BPIFB1: variants seen among roughly 807,000 people sequenced by gnomAD.
BPIFB1 encodes BPI fold containing family B member 1.
Under a neutral mutation model 55.1 loss-of-function variants are expected in BPIFB1, and 34 were observed. That is an observed-to-expected ratio of 0.62 (90% CI 0.47 to 0.82). The LOEUF (loss-of-function observed/expected upper bound fraction) is 0.82. BPIFB1 is among the 40% of genes least tolerant of loss of function. BPIFB1 has a pLI of 0.00. For synonymous variants in BPIFB1, 236 were observed against 245.3 expected (o/e 0.96, Z 0.35); for missense variants, 532 against 593.1 (o/e 0.90, Z 1.07).
Position 33,291,957 on chromosome 20 carries a change from T to G in BPIFB1, c.566T>G (p.Val189Gly). 1.2e-6 allele frequency: 2 copies of G among 1,614,234 alleles called. No individual in the cohort carries two copies. Among genetic ancestry groups the G allele is most frequent in the Non-Finnish European group, 1.7e-6 (2 of 1,180,024 alleles). The stretch of plus-strand genomic sequence containing the variant: ...GCTAAGCAGGTCATGAACCTCCTAG[T>G]GCCATCCCTGCCCAATCTAGTGAAA... ...ALAKQVMNLL[V>G]PSLPNLVKNQ... Residue 189 changes from valine to glycine, a missense_variant, in exon 6 of 16, where the codon GTG becomes GGG. By Grantham distance (109) the Val-to-Gly change is moderately radical (BLOSUM62 -3). Transcript: ENST00000253354.
intron 7 of BPIFB1, 108 bp from the exon 8 acceptor site, chr20:33,299,791 A>C: frequency 4.9e-6 from 4 of 812,052 alleles, no homozygotes; most frequent in Non-Finnish European, 2.2e-6. Flanking sequence ...GCTCCTCCCT[A>C]CCTGCCCCCC....
intron 10 of BPIFB1, 36 bp from the exon 11 acceptor site, chr20:33,302,880 C>T: frequency 1.2e-6 from 2 of 1,608,856 alleles, no homozygotes; most frequent in South Asian, 2.2e-5. Flanking sequence ...ATGGTGGGCA[C>T]TTGGGAGGCC....
intron 15 of BPIFB1, among the ~76,000 whole-genome samples, chr20:33,308,278 A>T (rs74419603): frequency 0.06 from 9,151 of 152,234 alleles, 338 homozygotes; most frequent in South Asian, 0.086. Context: ...TGGGTTCTAC[A>T]TGAGATTTGG....
In BPIFB1 at chr20:33,290,995, C is replaced by A. The variant is rs1158326481; in HGVS notation, c.404C>A (p.Thr135Asn). 4 of 1,614,020 alleles carry A rather than the reference C, an allele frequency of 2.5e-6. No homozygotes were observed. The highest frequency in any genetic ancestry group is 2.2e-5 in the South Asian group (2 of 91,074). ...ACCATCGTGGAGTTCCACATGACGA[C>A]TGAGGCCCAAGCCACCATCCGCATG... ...VKTIVEFHMT[T>N]EAQATIRMDT... The change falls in exon 5 of 16, where the codon ACT (threonine) becomes AAT (asparagine). Residue 135 changes from threonine (T) to asparagine (N), a missense_variant. Physicochemically the swap from Thr to Asn is moderately conservative, Grantham distance 65. Transcript: ENST00000253354.
chr20:33,292,012 G>T (rs1980488754), intron 6 of BPIFB1, 24 bp downstream of exon 6: 5 of 1,609,218 alleles, frequency 3.1e-6, no homozygotes, highest in Non-Finnish European at 4.3e-6. Context: ...GGGCCTCTCT[G>T]GCCTGTGGGC....
intron 8 of BPIFB1, 80 bp from the exon 9 acceptor site, chr20:33,301,153 G>A: frequency 7.2e-7 from 1 of 1,380,558 alleles, no homozygotes; most frequent in South Asian, 1.3e-5. Context: ...CAGGCTGAAT[G>A]GTGTCATTTC....
chr20:33,308,841 T>C (rs1347076843), intron 15 of BPIFB1, among the ~76,000 whole-genome samples: 4 of 137,490 alleles, frequency 2.9e-5, no homozygotes, highest in Non-Finnish European at 6.3e-5. Flanking sequence ...CACACACACA[T>C]AATACACACA....
chr20:33,307,120 C>A, intron 15 of BPIFB1, 133 bp downstream of exon 15: 1 of 707,028 alleles, frequency 1.4e-6, no homozygotes, highest in Non-Finnish European at 2.5e-6. Flanking sequence ...CCTCTCAGGG[C>A]CTCACCTCCT....
chr20:33,291,619 C>T (rs777539989), intron 5 of BPIFB1, among the ~76,000 whole-genome samples: 9 of 151,962 alleles, frequency 5.9e-5, no homozygotes, highest in Non-Finnish European at 1.0e-4. Flanking sequence ...AAAAACATGG[C>T]GCCCCCCCTT....
intron 7 of BPIFB1, chr20:33,298,976 C>CTTT (rs35028429): frequency 3.6e-4 from 87 of 244,852 alleles, no homozygotes; most frequent in African/African-American, 1.2e-3. Context: ...CTTTAATATA[C>CTTT]TTTTTTTTTT....
chr20:33,292,891 C>A (rs1980518699), intron 6 of BPIFB1, among the ~76,000 whole-genome samples: 1 of 152,212 alleles, frequency 6.6e-6, no homozygotes, highest in African/African-American at 2.4e-5. Context: ...GCTAATATTT[C>A]TTGGAATAAG....
chr20:33,295,491 A>G (rs1017297966), intron 6 of BPIFB1, among the ~76,000 whole-genome samples: 38 of 151,914 alleles, frequency 2.5e-4, no homozygotes, highest in African/African-American at 6.8e-4. Flanking sequence ...CTGTAATCCC[A>G]GTTACTCGGG....
chr20:33,306,295 A>G (rs1202294244), intron 14 of BPIFB1, among the ~76,000 whole-genome samples: 4 of 152,180 alleles, frequency 2.6e-5, no homozygotes, highest in Non-Finnish European at 5.9e-5. Context: ...CAGGGCTGGA[A>G]GGAGACAGAG....
chr20:33,305,747 GC>G (rs1456845807), intron 13 of BPIFB1, among the ~76,000 whole-genome samples: 1 of 152,076 alleles, frequency 6.6e-6, no homozygotes, highest in Non-Finnish European at 1.5e-5. Flanking sequence ...GAGTGGTGGG[GC>G]CCCTGAGGAT....
At chr20:33,302,252 C>T in intron 9 of BPIFB1, 107 bp from the exon 10 acceptor site, 1 of 1,205,702 alleles carries the variant, frequency 8.3e-7, no homozygotes, top group Non-Finnish European at 1.2e-6. Flanking sequence ...ACTGGGCCCA[C>T]CCAGCTTTTC....
At chr20:33,289,399 A>AC (rs1400078932) in intron 3 of BPIFB1, among the ~76,000 whole-genome samples, 23 of 132,690 alleles carry the variant, frequency 1.7e-4, no homozygotes, top group East Asian at 4.2e-4. Flanking sequence ...AAAAAACAAA[A>AC]AAAAAAAAAC....
chr20:33,291,325 A>G (rs1321040449), intron 5 of BPIFB1, among the ~76,000 whole-genome samples: 1 of 152,228 alleles, frequency 6.6e-6, no homozygotes, highest in Non-Finnish European at 1.5e-5. Flanking sequence ...GGTTTCAGGC[A>G]TGACACCGGG....
At chr20:33,302,059 G>A (rs886607779) in intron 9 of BPIFB1, among the ~76,000 whole-genome samples, 1 of 152,276 alleles carries the variant, frequency 6.6e-6, no homozygotes, top group Non-Finnish European at 1.5e-5. Flanking sequence ...TCACCAACTA[G>A]CCCATTCATG....
At chr20:33,294,548 GT>G (rs1049088196) in intron 6 of BPIFB1, among the ~76,000 whole-genome samples, 11 of 152,186 alleles carry the variant, frequency 7.2e-5, no homozygotes, top group Non-Finnish European at 1.5e-4. Flanking sequence ...AGAAAATTTT[GT>G]TTCTTTGAAT....
Sources: gnomAD v4.1 joint callset for allele counts (sites outside exome capture counted in the v4.1 genomes callset) on GRCh38, gnomAD v4.1.1 for gene constraint, MANE v1.5 for transcripts, NCBI Gene and HGNC (gene_info 2026-07-23, HGNC 2026-07-21) for gene names.